NAV2: variants seen among roughly 807,000 people sequenced by gnomAD.
The protein encoded by NAV2 is helicase, APC down-regulated 1.
Under a neutral mutation model 223.2 loss-of-function variants are expected in NAV2, and 54 were observed. That is an observed-to-expected ratio of 0.24 (90% CI 0.19 to 0.30). The LOEUF is 0.30. Among genes scored for constraint, NAV2 ranks in the 10% least tolerant of loss-of-function variants. The pLI is 1.00. For missense variants in NAV2, 2,806 were observed against 3,147.5 expected (o/e 0.89, Z 2.60); for synonymous variants, 1,279 against 1,239.3 (o/e 1.03, Z -0.67).
chr11:19,430,032 C>T (rs993863049), intron 1 of NAV2, among the ~76,000 whole-genome samples: 4 of 152,174 alleles, frequency 2.6e-5, no homozygotes, highest in African/African-American at 9.7e-5. Context: ...AACTTTATCC[C>T]TCTCATCAGC....
chr11:19,482,306 C>T (rs908532660), intron 1 of NAV2, among the ~76,000 whole-genome samples: 7 of 152,108 alleles, frequency 4.6e-5, no homozygotes, highest in South Asian at 4.1e-4. Flanking sequence ...CTCCATGGAC[C>T]CTTGCTGCTC....
At chr11:19,598,248 A>G (rs1419380457) in intron 1 of NAV2, among the ~76,000 whole-genome samples, 3 of 152,192 alleles carry the variant, frequency 2.0e-5, no homozygotes, top group African/African-American at 7.2e-5. Context: ...TAGCATGCCA[A>G]AGAGAACCTG....
At chr11:20,002,917 G>A (rs1410427894) in intron 11 of NAV2, among the ~76,000 whole-genome samples, 2 of 152,328 alleles carry the variant, frequency 1.3e-5, no homozygotes, top group South Asian at 4.1e-4. Flanking sequence ...GGGGCTCACA[G>A]TATTAGAACT....
intron 3 of NAV2, among the ~76,000 whole-genome samples, chr11:19,852,818 A>T (rs2061221832): frequency 6.6e-6 from 1 of 152,238 alleles, no homozygotes; most frequent in Non-Finnish European, 1.5e-5. Context: ...CAGATGAGAA[A>T]GCTAAACAAT....
At chr11:20,048,136 A>G (rs1360971093) in intron 14 of NAV2, among the ~76,000 whole-genome samples, 11 of 152,198 alleles carry the variant, frequency 7.2e-5, no homozygotes, top group Admixed American at 7.2e-4. Context: ...ATGTCACTGG[A>G]TAAGTAAGCT....
chr11:19,709,641 C>A (rs1327151437), upstream of NAV2, among the ~76,000 whole-genome samples: 7 of 151,498 alleles, frequency 4.6e-5, no homozygotes, highest in Admixed American at 4.6e-4. Flanking sequence ...TCCAGACCAG[C>A]CTGACCAATA....
At chr11:20,097,808 G>T (rs776273499) in intron 31 of NAV2, 63 bp downstream of exon 31, 1 of 1,437,700 alleles carries the variant, frequency 7.0e-7, no homozygotes, top group Non-Finnish European at 9.3e-7. Context: ...TTGTGACTTG[G>T]CATAGGCACT....
upstream of NAV2, among the ~76,000 whole-genome samples, chr11:19,346,933 T>C (rs746487827): frequency 1.1e-4 from 16 of 152,216 alleles, no homozygotes; most frequent in Non-Finnish European, 1.9e-4. Context: ...TGGTGATAAG[T>C]GTTAATTAGA....
chr11:19,889,483 G>A (rs537164222), intron 5 of NAV2, among the ~76,000 whole-genome samples: 1 of 152,060 alleles, frequency 6.6e-6, no homozygotes, highest in South Asian at 2.1e-4. Context: ...GTGGTCAAGG[G>A]TGGACAGGAG....
intron 1 of NAV2, among the ~76,000 whole-genome samples, chr11:19,382,244 A>T (rs1162872533): frequency 6.6e-6 from 1 of 152,174 alleles, no homozygotes; most frequent in African/African-American, 2.4e-5. Context: ...CCCAGTGTAC[A>T]ATGGGACAGG....
intron 3 of NAV2, among the ~76,000 whole-genome samples, chr11:19,862,316 T>C (rs2625326): frequency 0.24 from 36,220 of 152,164 alleles, 4,584 homozygotes; most frequent in South Asian, 0.42. Context: ...CTGGGCAAGG[T>C]GGAAAAGCAG....
rs143693190 is a variant in NAV2, at chr11:19,399,425, T to C, written c.75+48398T>C. On this transcript the variant is annotated intron_variant, in intron 1 of 37. Transcript: ENST00000360655. ...GATTGGATGTACTCCTTAGCTGTCA[T>C]ATTTTGCAATTCTGTGCAGCTCAGC... Among the ~76,000 whole-genome samples, 235 of 152,346 alleles carry C rather than the reference T, an allele frequency of 1.5e-3. 2 individuals carry two copies. Among genetic ancestry groups the C allele is most frequent in the African/African-American group, 5.4e-3 (224 of 41,572 alleles).
chr11:20,039,006 C>T (rs1412077410), intron 12 of NAV2, among the ~76,000 whole-genome samples: 3 of 152,174 alleles, frequency 2.0e-5, no homozygotes, highest in Non-Finnish European at 4.4e-5. Context: ...GAGAATGCCC[C>T]CCACAGAGCA....
chr11:19,451,536 T>C (rs1420959054), intron 1 of NAV2, among the ~76,000 whole-genome samples: 1 of 152,268 alleles, frequency 6.6e-6, no homozygotes, highest in Non-Finnish European at 1.5e-5. Flanking sequence ...TGGGGCTTAC[T>C]GTCTAAAGCT....
At chr11:19,512,710 A>C (rs974538133) in intron 1 of NAV2, among the ~76,000 whole-genome samples, 2 of 152,228 alleles carry the variant, frequency 1.3e-5, no homozygotes, top group Admixed American at 6.5e-5. Flanking sequence ...AATGTTTGAA[A>C]ATAACTTGGT....
chr11:20,082,012 G>A (rs1448568359), intron 25 of NAV2, among the ~76,000 whole-genome samples: 5 of 152,108 alleles, frequency 3.3e-5, no homozygotes, highest in African/African-American at 1.2e-4. Context: ...ATGATTTGGG[G>A]AAATTGTAAT....
At chr11:19,506,357 A>G (rs2043123985) in intron 1 of NAV2, 1 of 152,310 alleles carries the variant, frequency 6.6e-6, no homozygotes, top group Admixed American at 6.5e-5. Context: ...CAGGCAGGGC[A>G]GCAGCCTAGG....
intron 1 of NAV2, among the ~76,000 whole-genome samples, chr11:19,419,383 T>A (rs1383375150): frequency 1.3e-5 from 2 of 152,172 alleles, no homozygotes; most frequent in East Asian, 3.9e-4. Context: ...AGGAATCTCA[T>A]GAATATGATT....
At chr11:19,696,686 A>G (rs1435532363) in intron 1 of NAV2, among the ~76,000 whole-genome samples, 6 of 152,192 alleles carry the variant, frequency 3.9e-5, no homozygotes, top group Non-Finnish European at 7.3e-5. Context: ...TAATCTTCCA[A>G]ATAAATAGAA....
Sources: gnomAD v4.1 joint callset for allele counts (sites outside exome capture counted in the v4.1 genomes callset) on GRCh38, gnomAD v4.1.1 for gene constraint, MANE v1.5 for transcripts, NCBI Gene and HGNC (gene_info 2026-07-23, HGNC 2026-07-21) for gene names.